STK3: variants seen among roughly 807,000 people sequenced by gnomAD.
STK3 encodes the protein serine/threonine kinase 3, also known as serine/threonine-protein kinase 3.
STK3 carries 41 observed loss-of-function variants against 58.0 expected under a neutral mutation model. That is an observed-to-expected ratio of 0.71 (90% CI 0.55 to 0.92). STK3 has a LOEUF of 0.92. Ranked by LOEUF, STK3 falls within the 40% of genes least tolerant of loss-of-function variation. STK3 has a pLI of 0.00. For synonymous variants in STK3, 170 were observed against 191.0 expected, an observed-to-expected ratio of 0.89 and a Z score of 0.91; for missense variants, 479 against 602.7, an observed-to-expected ratio of 0.79 and a Z score of 2.15.
intron 3 of STK3, among the ~76,000 whole-genome samples, chr8:98,850,447 A>G (rs1379510710): frequency 6.6e-6 from 1 of 152,220 alleles, no homozygotes; most frequent in African/African-American, 2.4e-5. Flanking sequence ...GAAGCAGAAA[A>G]TTACAATAAG....
chr8:98,478,684 A>C (rs529159307), intron 10 of STK3, among the ~76,000 whole-genome samples: 16 of 152,334 alleles, frequency 1.1e-4, no homozygotes, highest in Admixed American at 2.6e-4. Flanking sequence ...GGAGCCTCTA[A>C]AATAAAGTGG....
At chr8:98,350,863 T>G in the STK3 span, among the ~76,000 whole-genome samples, 2 of 152,298 alleles carry the variant, frequency 1.3e-5, no homozygotes, top group African/African-American at 4.8e-5. Flanking sequence ...CAAAATGAGA[T>G]TTGGGTGGGT....
intron 1 of STK3, among the ~76,000 whole-genome samples, chr8:98,448,983 G>A (rs182691580): frequency 6.6e-6 from 1 of 152,218 alleles, no homozygotes; most frequent in African/African-American, 2.4e-5. Context: ...TGTGTTGGCT[G>A]ACCTGGGACT....
chr8:98,687,274 G>A (rs1226962152), intron 6 of STK3, among the ~76,000 whole-genome samples: 1 of 152,202 alleles, frequency 6.6e-6, no homozygotes, highest in Non-Finnish European at 1.5e-5. Flanking sequence ...GATAGGGTTG[G>A]AGGGGGTGGT....
chr8:98,555,626 A>G (rs1051408316), intron 8 of STK3, among the ~76,000 whole-genome samples: 5 of 152,138 alleles, frequency 3.3e-5, no homozygotes, highest in African/African-American at 9.7e-5. Context: ...ACGAGTATGC[A>G]TTCTGCTATA....
chr8:98,364,896 T>C, the STK3 span, among the ~76,000 whole-genome samples: 1 of 152,208 alleles, frequency 6.6e-6, no homozygotes, highest in African/African-American at 2.4e-5. Context: ...GTACTGGTCT[T>C]AGGTGCTGCC....
At chr8:98,889,069 C>T (rs376615673) in intron 1 of STK3, among the ~76,000 whole-genome samples, 5 of 152,156 alleles carry the variant, frequency 3.3e-5, no homozygotes, top group Admixed American at 6.5e-5. Flanking sequence ...TAAAACAGAG[C>T]GACCCTGCAG....
At chr8:98,713,559 C>A (rs996154838) in intron 4 of STK3, among the ~76,000 whole-genome samples, 3 of 152,114 alleles carry the variant, frequency 2.0e-5, no homozygotes, top group African/African-American at 7.2e-5. Context: ...CACATACACC[C>A]TCCCAAGACT....
intron 3 of STK3, among the ~76,000 whole-genome samples, chr8:98,394,186 C>A (rs756888737): frequency 6.6e-6 from 1 of 152,078 alleles, no homozygotes; most frequent in Non-Finnish European, 1.5e-5. Flanking sequence ...AGAGAAGTGG[C>A]TAGAGAAGCA....
chr8:98,752,663 A>C (rs1397129741), intron 3 of STK3, among the ~76,000 whole-genome samples: 1 of 152,154 alleles, frequency 6.6e-6, no homozygotes, highest in East Asian at 1.9e-4. Context: ...TAAATAGATA[A>C]CTTACAAAAT....
intron 3 of STK3, among the ~76,000 whole-genome samples, chr8:98,832,856 C>A (rs1211499863): frequency 6.6e-6 from 1 of 152,138 alleles, no homozygotes; most frequent in Non-Finnish European, 1.5e-5. Context: ...GGAGACATGA[C>A]AATGCCCAGC....
chr8:98,650,775 C>G (rs572386094), intron 6 of STK3, among the ~76,000 whole-genome samples: 1,736 of 152,302 alleles, frequency 0.011, 34 homozygotes, highest in African/African-American at 0.04. Context: ...AAGGTGGCAG[C>G]GAGGCTGGGG....
intron 3 of STK3, among the ~76,000 whole-genome samples, chr8:98,765,554 G>A (rs566947912): frequency 2.2e-4 from 33 of 152,268 alleles, no homozygotes; most frequent in Admixed American, 2.1e-3. Flanking sequence ...AGTCACACGA[G>A]ACAATTTTTA....
chr8:98,755,261 T>C (rs942794050), intron 3 of STK3, among the ~76,000 whole-genome samples: 4 of 152,204 alleles, frequency 2.6e-5, no homozygotes, highest in African/African-American at 9.6e-5. Context: ...ATGTTCAGTA[T>C]GCACTAGTGA....
At chr8:98,700,416 A>G (rs185266751) in intron 6 of STK3, among the ~76,000 whole-genome samples, 2,035 of 152,248 alleles carry the variant, frequency 0.013, 179 homozygotes, top group Admixed American at 0.12. Context: ...AGATGAACCC[A>G]GTACCTCAGA....
At position 98,454,691 on chromosome 8, in the gene STK3, C is replaced by CTG. The variant is rs1335025140; in HGVS notation, c.*1150_*1151insCA. The CTG allele has an allele frequency of 1.3e-5, 2 of 152,472 alleles. No individual in the cohort carries two copies. Among genetic ancestry groups the CTG allele is most frequent in the Non-Finnish European group, 1.5e-5 (1 of 67,998 alleles). The allele number at this position is 152,472 out of a possible 1,614,324, so 9.4% of individuals were successfully genotyped here. A position where few individuals can be genotyped will look rare whatever the true frequency, so the allele number is the denominator to read the frequency against. ...ATGATTTACACATAATAATTAAACA[C>CTG]ACAAAAGAAAAAACACTGTCAAGAT... On this transcript the variant is annotated 3_prime_UTR_variant, in exon 11 of 11. Coordinates refer to ENST00000419617, the MANE Select transcript of STK3 (RefSeq NM_006281.4).
intron 6 of STK3, chr8:98,597,612 C>G: frequency 1.0e-6 from 1 of 985,418 alleles, no homozygotes. Flanking sequence ...CAAAATCAAT[C>G]TCACATTGCC....
chr8:98,735,427 G>GA (rs1828504509), intron 4 of STK3, among the ~76,000 whole-genome samples: 1 of 152,200 alleles, frequency 6.6e-6, no homozygotes, highest in East Asian at 1.9e-4. Flanking sequence ...AAAATACTGT[G>GA]AAAAAATCAG....
At chr8:98,906,056 G>T (rs971650081) in intron 1 of STK3, among the ~76,000 whole-genome samples, 1 of 152,170 alleles carries the variant, frequency 6.6e-6, no homozygotes, top group African/African-American at 2.4e-5. Context: ...ACTTGTTATA[G>T]TTCATTATGC....
Sources: allele counts gnomAD v4.1 joint callset (sites outside exome capture counted in the v4.1 genomes callset), GRCh38; gene constraint gnomAD v4.1.1; transcripts MANE v1.5; gene names NCBI Gene and HGNC (gene_info 2026-07-23, HGNC 2026-07-21).